Variants in SBNO2 observed in about 807,000 individuals in gnomAD.
SBNO2 encodes strawberry notch homolog 2.
SBNO2 carries 89 observed loss-of-function variants against 146.3 expected under a neutral mutation model. The ratio of observed to expected loss-of-function variants is 0.61; its 90% CI spans 0.51 to 0.73. The LOEUF is 0.73. SBNO2 is among the 30% of genes least tolerant of loss of function. SBNO2 has a pLI of 0.00. For missense variants in SBNO2, 2,092 were observed against 2,003.7 expected (o/e 1.04, Z -0.84); for synonymous variants, 1,147 against 892.6 (o/e 1.29, Z -5.08).
chr19:1,154,075 C>G (rs576816147), intron 2 of SBNO2, 109 bp downstream of exon 2: 2 of 487,358 alleles, frequency 4.1e-6, no homozygotes, highest in Non-Finnish European at 6.4e-6. Flanking sequence ...GTGGAGATCA[C>G]GCCGCGTCCA....
At position 1,111,413 on chromosome 19, in the gene SBNO2, C is replaced by T. The variant is rs1038409924; in HGVS notation, c.2809+93G>A. ...TGGGGAGGGGTCACTCAACACACAA[C>T]CGGCCTACAAAGCCTGCTGCCCCAG... On this transcript the variant is annotated intron_variant, in intron 24 of 31. Coordinates refer to ENST00000361757, the MANE Select transcript of SBNO2 (RefSeq NM_014963.3). 4 of 895,144 alleles carry T rather than the reference C, an allele frequency of 4.5e-6. No homozygotes were observed. In the Admixed American group the frequency reaches 6.3e-5, roughly 14 times the overall value. The allele number at this position is 895,144 out of a possible 1,614,324, so 55.5% of individuals were successfully genotyped here. A position where few individuals can be genotyped will look rare whatever the true frequency, so the allele number is the denominator to read the frequency against.
intron 4 of SBNO2, chr19:1,132,159 G>A (rs1376716612): frequency 4.8e-6 from 7 of 1,461,932 alleles, no homozygotes; most frequent in African/African-American, 3.0e-5. Context: ...GGGGGCCAGG[G>A]GTCCCCCAGG....
At position 1,119,052 on chromosome 19, in the gene SBNO2, C is replaced by T. The variant is rs1442757167; in HGVS notation, c.1486G>A (p.Ala496Thr). ...TTGTAGACGCACTCGAAGGCTGGGG[C>T]CAGCGGGATCTCCTCGATGCGGAAG... ...VTFRIEEIPL[A>T]PAFECVYNRA... is the part of the protein sequence containing the mutation. The change falls in exon 14 of 32, where the codon GCC becomes ACC. Residue 496 changes from alanine (A) to threonine (T), a missense_variant. By Grantham distance (58) the Ala-to-Thr change is moderately conservative. Transcript: ENST00000361757. The T allele has an allele frequency of 6.2e-7, 1 of 1,605,038 alleles. No homozygotes were observed. Among genetic ancestry groups the T allele is most frequent in the Non-Finnish European group, 8.5e-7 (1 of 1,177,300 alleles).
At chr19:1,168,054 G>A (rs1295635044) in intron 1 of SBNO2, among the ~76,000 whole-genome samples, 5 of 152,162 alleles carry the variant, frequency 3.3e-5, no homozygotes, top group Admixed American at 6.5e-5. Flanking sequence ...GAGGGGCAGC[G>A]GAGACTTGTG....
At position 1,127,573 on chromosome 19, in the gene SBNO2, G is replaced by A. The variant is rs376309003; in HGVS notation, c.441+31C>T. On this transcript the variant is annotated intron_variant, in intron 5 of 31. Coordinates refer to ENST00000361757, the MANE Select transcript of SBNO2 (RefSeq NM_014963.3). ...GCTGGGGAGGCCACGCTGGTGGGTC[G>A]GGGCTGGCTGGGGGCACCGGGCGCA... 219 of 1,604,360 alleles carry A rather than the reference G, an allele frequency of 1.4e-4. No homozygotes were observed. In the African/African-American group the frequency reaches 2.2e-3, roughly 16 times the overall value.
intron 4 of SBNO2, among the ~76,000 whole-genome samples, chr19:1,129,501 G>A (rs919119149): frequency 6.6e-6 from 1 of 152,106 alleles, no homozygotes; most frequent in Non-Finnish European, 1.5e-5. Flanking sequence ...GTAGGGTGCA[G>A]CACCCCCCAC....
At chr19:1,130,922 G>A (rs558767494) in intron 4 of SBNO2, among the ~76,000 whole-genome samples, 168 of 152,270 alleles carry the variant, frequency 1.1e-3, no homozygotes, top group African/African-American at 3.9e-3. Context: ...ACCCCACCAG[G>A]TGCATGAGCC....
rs949472715 is a variant in SBNO2 at position 1,109,858 on chromosome 19, G to A, written c.3029-81C>T. ...CCAGGGTCAGTCCCGTAGCCGGGGC[G>A]CACCCTAGAGACGACCCCCCGAGAG... On this transcript the variant is annotated intron_variant, in intron 26 of 31. Coordinates refer to ENST00000361757, the MANE Select transcript of SBNO2 (RefSeq NM_014963.3). This position sits in a 1 kb window ranked among gnomAD's most constrained non-coding sequence, Gnocchi z 4.2. 24 of 1,063,444 alleles carry A rather than the reference G, an allele frequency of 2.3e-5. No individual in the cohort carries two copies. Among genetic ancestry groups the A allele is most frequent in the South Asian group, 9.3e-5 (6 of 64,676 alleles). 65.9% of individuals were successfully genotyped at this position (1,063,444 alleles called of 1,614,324 possible).
In SBNO2 at chr19:1,109,093, C is replaced by T. The variant is rs1397601964; in HGVS notation, c.3425+42G>A. ...AGCCCCCGATCCCCGCCTGGGTCGC[C>T]GCCATCTGCCGGTTTCCCCCTGGTC... On this transcript the variant is annotated intron_variant, in intron 30 of 31. Coordinates refer to ENST00000361757, the MANE Select transcript of SBNO2 (RefSeq NM_014963.3). This position sits in a 1 kb window ranked among gnomAD's most constrained non-coding sequence, Gnocchi z 4.2. 2 of 1,542,632 alleles carry T rather than the reference C, an allele frequency of 1.3e-6. No individual in the cohort carries two copies. The highest frequency in any genetic ancestry group is 1.7e-6 in the Non-Finnish European group (2 of 1,143,924).
intron 8 of SBNO2, 30 bp from the exon 9 acceptor site, chr19:1,122,821 G>C (rs2079918963): frequency 6.5e-7 from 1 of 1,537,954 alleles, no homozygotes; most frequent in Admixed American, 2.0e-5. Flanking sequence ...GTCAGGGCCT[G>C]GGGGTGCTGG....
In SBNO2 at chr19:1,112,364, G is replaced by T; in HGVS notation, c.2515+38C>A. On this transcript the variant is annotated intron_variant, in intron 21 of 31. Transcript: ENST00000361757. This position sits in a 1 kb window ranked among gnomAD's most constrained non-coding sequence, Gnocchi z 5.9. ...GGGCGGGGCCGAGACCATGTTGGGG[G>T]CGGGGCCAGGCAGCGCTGGGGGCGG... The T allele has an allele frequency of 6.4e-7, 1 of 1,571,146 alleles. No homozygotes were observed.
Position 1,109,224 on chromosome 19 carries a change from G to A in SBNO2, c.3349-13C>T, listed in dbSNP as rs1300973392. 2 of 1,569,632 alleles carry A rather than the reference G, an allele frequency of 1.3e-6. No individual in the cohort carries two copies. Among genetic ancestry groups the A allele is most frequent in the Non-Finnish European group, 1.7e-6 (2 of 1,158,126 alleles). On this transcript the variant is annotated splice_polypyrimidine_tract_variant and intron_variant, in intron 29 of 31. Transcript: ENST00000361757. This position sits in a 1 kb window ranked among gnomAD's most constrained non-coding sequence, Gnocchi z 4.2. ...CCTCCGCGGTGACCTAGGGACACAG[G>A]GCCGCATGAGCCTGGGCGGGGTCAG...
At position 1,112,474 on chromosome 19, in the gene SBNO2, G is replaced by C. The variant is rs1292097140; in HGVS notation, c.2443C>G (p.Gln815Glu). ...GVSLQADRRVQNQRRRVHMTL... is the reference protein window; with the variant it reads ...GVSLQADRRVENQRRRVHMTL... ...ATGTGCACGCGGCGCCGCTGGTTCT[G>C]GACACGGCGGTCGGCTTGGAGGGAG... Residue 815 changes from glutamine (Q) to glutamate (E), a missense_variant, in exon 21 of 32, where the codon CAG becomes GAG. Transcript: ENST00000361757. The surrounding 1 kb of genome is among the most constrained non-coding windows in gnomAD (Gnocchi z 5.9). 3.7e-6 allele frequency: 6 copies of C among 1,607,366 alleles called. No individual in the cohort carries two copies.
Position 1,112,782 on chromosome 19 carries a change from C to T in SBNO2, c.2379+36G>A, listed in dbSNP as rs779196781. ...TTGGGCCCCTCTGTGCCTCTTGGGT[C>T]CCGTGGGCCGCGCCCAGTGCACTGC... On this transcript the variant is annotated intron_variant, in intron 20 of 31. Transcript: ENST00000361757. The surrounding 1 kb of genome is among the most constrained non-coding windows in gnomAD (Gnocchi z 5.9). 4 of 1,534,040 alleles carry T rather than the reference C, an allele frequency of 2.6e-6. No homozygotes were observed. In the African/African-American group the frequency reaches 4.1e-5, roughly 16 times the overall value.
At chr19:1,122,592 T>TTGC in intron 9 of SBNO2, 34 bp from the exon 10 acceptor site, 2 of 1,455,718 alleles carry the variant, frequency 1.4e-6, no homozygotes, top group Non-Finnish European at 1.8e-6. Context: ...CGCCCACCCT[T>TTGC]CCCCCTCGCC....
chr19:1,110,758 G>A lies in SBNO2; in HGVS notation c.3015C>T (p.Asp1005=). 1 of 1,613,522 alleles carries A rather than the reference G, an allele frequency of 6.2e-7. No homozygotes were observed. The highest frequency in any genetic ancestry group is 8.5e-7 in the Non-Finnish European group (1 of 1,179,720). ...IEMDKREGKY[D]MGILDLAPGI... is the part of the protein sequence containing the mutation. ...ACCTGTGCTCACCCAGGATGCCCATGTCGTATTTGCCCTCCCGCTTGTCCA... is the reference window on the plus strand; with the variant it reads ...ACCTGTGCTCACCCAGGATGCCCATATCGTATTTGCCCTCCCGCTTGTCCA... The change falls in exon 26 of 32, where the codon GAC becomes GAT. Residue 1005 remains aspartate, a synonymous_variant. Transcript: ENST00000361757. The surrounding 1 kb of genome is among the most constrained non-coding windows in gnomAD (Gnocchi z 4.9).
Position 1,108,275 on chromosome 19 carries a change from C to G in SBNO2, c.4046G>C (p.Arg1349Pro). ...TGGGCTGAACTGGATCACGCTCTGCCGCTCGGGACCACCGCCCGCCGCGCC... is the reference window on the plus strand; with the variant it reads ...TGGGCTGAACTGGATCACGCTCTGCGGCTCGGGACCACCGCCCGCCGCGCC... ...AGGAAGGGPE[R>P]QSVIQFSPPF... The change falls in exon 32 of 32, where the codon CGG (arginine) becomes CCG (proline). Residue 1349 changes from arginine to proline, a missense_variant. By Grantham distance (103) the Arg-to-Pro change is moderately radical. Transcript: ENST00000361757. 6.6e-7 allele frequency: 1 copy of G among 1,513,222 alleles called. No individual in the cohort carries two copies. The highest frequency in any genetic ancestry group is 1.2e-5 in the South Asian group (1 of 82,328). The allele number at this position is 1,513,222 out of a possible 1,614,324, so 93.7% of individuals were successfully genotyped here.
chr19:1,173,767 C>G lies in SBNO2; in HGVS notation c.-127+405G>C, dbSNP rs1050328410. The G allele has an allele frequency of 6.6e-5, 10 of 152,160 alleles. No individual in the cohort carries two copies. The highest frequency in any genetic ancestry group is 2.4e-4 in the African/African-American group (10 of 41,316). 9.4% of individuals were successfully genotyped at this position (152,160 alleles called of 1,614,324 possible). A position where few individuals can be genotyped will look rare whatever the true frequency, so the allele number is the denominator to read the frequency against. On this transcript the variant is annotated intron_variant, in intron 1 of 31. Transcript: ENST00000361757. The surrounding 1 kb of genome is among the most constrained non-coding windows in gnomAD (Gnocchi z 4.7). ...GGGTCACCAAGGGGCTCGGGGGCAC[C>G]GATGAGTGCGGGGTCAAGGGTTACC...
intron 1 of SBNO2, among the ~76,000 whole-genome samples, chr19:1,169,587 C>T (rs1324439247): frequency 9.9e-5 from 15 of 152,148 alleles, no homozygotes; most frequent in African/African-American, 2.9e-4. Flanking sequence ...GAGGGGCCCC[C>T]GGGGGGTGGG....
Sources: allele counts gnomAD v4.1 joint callset (sites outside exome capture counted in the v4.1 genomes callset), GRCh38; gene constraint gnomAD v4.1.1; non-coding constraint Gnocchi (gnomAD v3.1); transcripts MANE v1.5; gene names NCBI Gene and HGNC (gene_info 2026-07-23, HGNC 2026-07-21).